Variants in LRRC4C observed in about 807,000 individuals in gnomAD.
LRRC4C encodes the protein leucine-rich repeat-containing protein 4C.
A neutral mutation model predicts 33.6 loss-of-function variants in LRRC4C; 5 were observed. The ratio of observed to expected loss-of-function variants is 0.15; its 90% CI spans 0.08 to 0.31. The LOEUF (loss-of-function observed/expected upper bound fraction) is 0.31, where lower values mean the gene tolerates loss of function less well. Among genes scored for constraint, LRRC4C ranks in the 10% least tolerant of loss-of-function variants. LRRC4C has a pLI of 1.00. For synonymous variants in LRRC4C, 329 were observed against 302.0 expected (o/e 1.09, Z -0.93); for missense variants, 560 against 796.7 (o/e 0.70, Z 3.58).
chr11:41,146,842 T>C lies in LRRC4C; in HGVS notation c.-495-213119A>G, dbSNP rs80243878. Among the ~76,000 whole-genome samples the C allele has an allele frequency of 2.8e-3, 433 of 152,344 alleles. 1 individual carries two copies. The highest frequency in any genetic ancestry group is 9.9e-3 in the African/African-American group (412 of 41,582). On this transcript the variant is annotated intron_variant, in intron 1 of 6. Coordinates refer to ENST00000528697, the MANE Select transcript of LRRC4C (RefSeq NM_001258419.2). ...GTTCTCTCTGGGGATATTCTTCTTATTAGTGGAATGAAATTCCAAAAGACA... is the reference window on the plus strand; with the variant it reads ...GTTCTCTCTGGGGATATTCTTCTTACTAGTGGAATGAAATTCCAAAAGACA...
chr11:40,734,217 T>A (rs985690493), intron 2 of LRRC4C, among the ~76,000 whole-genome samples: 4 of 152,004 alleles, frequency 2.6e-5, no homozygotes, highest in Non-Finnish European at 4.4e-5. Context: ...TACCTTAGAG[T>A]CTGAAGGGTT....
intron 2 of LRRC4C, among the ~76,000 whole-genome samples, chr11:40,730,176 G>A (rs1012053951): frequency 2.6e-5 from 4 of 151,942 alleles, no homozygotes; most frequent in Non-Finnish European, 5.9e-5. Flanking sequence ...TGGGTGCAGC[G>A]CACCAGCATG....
chr11:40,825,598 A>G (rs1473066154), intron 2 of LRRC4C, among the ~76,000 whole-genome samples: 3 of 151,986 alleles, frequency 2.0e-5, no homozygotes, highest in Non-Finnish European at 4.4e-5. Context: ...TAATCAACCT[A>G]AAGTGCACAA....
intron 1 of LRRC4C, among the ~76,000 whole-genome samples, chr11:41,352,930 C>T (rs1952031762): frequency 6.6e-6 from 1 of 151,974 alleles, no homozygotes; most frequent in Admixed American, 6.6e-5. Context: ...AGAAAGATCT[C>T]AAATTAACAA....
rs528118416 is a variant in LRRC4C, at chr11:40,548,624, C to G, written c.-270+99518G>C. Among the ~76,000 whole-genome samples the G allele has an allele frequency of 1.3e-4, 20 of 152,164 alleles. No individual in the cohort carries two copies. In the East Asian group the frequency reaches 2.1e-3, roughly 16 times the overall value. ...TTATGGCAGCCCTAGGAAGTGGTTA[C>G]AGGCACAAAAAGACAGTAAGTGGAA... is the stretch of plus-strand genomic sequence containing the variant. On this transcript the variant is annotated intron_variant, in intron 3 of 6. Transcript: ENST00000528697.
At position 40,902,166 on chromosome 11, in the gene LRRC4C, C is replaced by A. The variant is rs192637688; in HGVS notation, c.-407+31469G>T. On this transcript the variant is annotated intron_variant, in intron 2 of 6. Transcript: ENST00000528697. ...AATTCGATCGGTGGTGTTTTTCCAA[C>A]AGCATGTCTTTGTGTCACATTTTTG... Among the ~76,000 whole-genome samples, 419 of 152,120 alleles carry A rather than the reference C, an allele frequency of 2.8e-3. 2 individuals carry two copies. Among genetic ancestry groups the A allele is most frequent in the African/African-American group, 9.3e-3 (387 of 41,530 alleles).
intron 2 of LRRC4C, among the ~76,000 whole-genome samples, chr11:40,811,854 G>T (rs1015363387): frequency 1.3e-5 from 2 of 152,168 alleles, no homozygotes; most frequent in Admixed American, 1.3e-4. Flanking sequence ...GTGAGGTAGA[G>T]AGGATCATTC....
intron 3 of LRRC4C, among the ~76,000 whole-genome samples, chr11:40,440,968 A>G (rs1196293375): frequency 1.3e-5 from 2 of 152,064 alleles, no homozygotes; most frequent in Non-Finnish European, 2.9e-5. Flanking sequence ...AAGTTACTAA[A>G]CCCCTTACTT....
intron 2 of LRRC4C, among the ~76,000 whole-genome samples, chr11:40,722,142 T>C (rs541374178): frequency 2.9e-4 from 44 of 152,316 alleles, no homozygotes; most frequent in African/African-American, 1.0e-3. Flanking sequence ...TGTGCACTTG[T>C]ATGTATGTGT....
intron 3 of LRRC4C, among the ~76,000 whole-genome samples, chr11:40,367,054 G>A (rs1022031690): frequency 2.0e-5 from 3 of 152,094 alleles, no homozygotes; most frequent in Non-Finnish European, 2.9e-5. Context: ...AGGCACAGAT[G>A]TGAACTTGAT....
chr11:40,297,205 T>C (rs1482121492), intron 4 of LRRC4C, among the ~76,000 whole-genome samples: 1 of 152,202 alleles, frequency 6.6e-6, no homozygotes, highest in African/African-American at 2.4e-5. Context: ...TAACAAGCTG[T>C]AGGCAACTCT....
At chr11:41,139,373 G>A (rs1943405787) in intron 1 of LRRC4C, among the ~76,000 whole-genome samples, 2 of 152,132 alleles carry the variant, frequency 1.3e-5, no homozygotes, top group Non-Finnish European at 2.9e-5. Context: ...TGATCTTTCA[G>A]TGATAATATT....
In LRRC4C at chr11:40,765,331, A is replaced by T. The variant is rs552320240; in HGVS notation, c.-406-117053T>A. ...CTTTCTTCTTCTCCAGCCATGTAAG[A>T]TGTGCCTGCTTACCTTCCACCTTCT... On this transcript the variant is annotated intron_variant, in intron 2 of 6. Transcript: ENST00000528697. Among the ~76,000 whole-genome samples the T allele has an allele frequency of 5.3e-5, 8 of 152,278 alleles. No individual in the cohort carries two copies. The South Asian group carries it at 1.7e-3, about 32-fold the overall frequency.
At chr11:41,406,748 A>ACACACACACACACG (rs936627444) in intron 1 of LRRC4C, among the ~76,000 whole-genome samples, 19 of 145,564 alleles carry the variant, frequency 1.3e-4, no homozygotes, top group African/African-American at 5.0e-4. Context: ...ACACACACAC[A>ACACACACACACACG]CACGCACCCT....
chr11:41,443,036 A>G (rs1955689496), intron 1 of LRRC4C, among the ~76,000 whole-genome samples: 1 of 150,756 alleles, frequency 6.6e-6, no homozygotes, highest in African/African-American at 2.5e-5. Flanking sequence ...TTTCTAGTCC[A>G]AGACCCCTTC....
At chr11:41,094,762 A>C (rs954756413) in intron 1 of LRRC4C, among the ~76,000 whole-genome samples, 16 of 152,144 alleles carry the variant, frequency 1.1e-4, no homozygotes, top group African/African-American at 3.9e-4. Context: ...CAATGGGTCC[A>C]TCTCTCTTAC....
chr11:40,129,656 G>T (rs910499644), intron 6 of LRRC4C, among the ~76,000 whole-genome samples: 1 of 152,258 alleles, frequency 6.6e-6, no homozygotes, highest in East Asian at 1.9e-4. Context: ...CCTAGAGTCA[G>T]CAAATGACTT....
At chr11:40,578,547 C>T (rs1438910517) in intron 3 of LRRC4C, among the ~76,000 whole-genome samples, 2 of 151,334 alleles carry the variant, frequency 1.3e-5, no homozygotes, top group Non-Finnish European at 2.9e-5. Context: ...CTGTCTCTTT[C>T]TCTCTCTCTC....
intron 3 of LRRC4C, among the ~76,000 whole-genome samples, chr11:40,573,676 C>A (rs559040258): frequency 6.6e-6 from 1 of 152,118 alleles, no homozygotes; most frequent in African/African-American, 2.4e-5. Flanking sequence ...ATCCAACAAA[C>A]AGGGAGCACC....
Sources: gnomAD v4.1 joint callset for allele counts (sites outside exome capture counted in the v4.1 genomes callset) on GRCh38, gnomAD v4.1.1 for gene constraint, MANE v1.5 for transcripts, NCBI Gene and HGNC (gene_info 2026-07-23, HGNC 2026-07-21) for gene names.